RXRA: variants seen among roughly 807,000 people sequenced by gnomAD.
RXRA encodes the protein retinoic acid receptor RXR-alpha.
Under a neutral mutation model 44.5 loss-of-function variants are expected in RXRA, and 5 were observed. The ratio of observed to expected loss-of-function variants is 0.11; its 90% CI spans 0.06 to 0.24. The LOEUF is 0.24. RXRA is among the 10% of genes least tolerant of loss of function. RXRA has a pLI of 1.00. For missense variants in RXRA, 412 were observed against 646.5 expected, an observed-to-expected ratio of 0.64 and a Z score of 3.93; for synonymous variants, 291 against 271.4, an observed-to-expected ratio of 1.07 and a Z score of -0.71.
intron 1 of RXRA, among the ~76,000 whole-genome samples, chr9:134,329,366 C>G (rs913360733): frequency 1.3e-5 from 2 of 152,238 alleles, no homozygotes; most frequent in Non-Finnish European, 2.9e-5. Context: ...GGGCGCTGCC[C>G]GACGGCAGGG....
intron 1 of RXRA, among the ~76,000 whole-genome samples, chr9:134,352,490 C>T (rs929082328): frequency 5.3e-5 from 8 of 152,170 alleles, no homozygotes; most frequent in Non-Finnish European, 1.0e-4. Context: ...CTCCCTGCCT[C>T]GCCCCTGCCC....
chr9:134,330,307 T>A (rs1177065185), intron 1 of RXRA, among the ~76,000 whole-genome samples: 1 of 152,234 alleles, frequency 6.6e-6, no homozygotes, highest in Admixed American at 6.5e-5. Flanking sequence ...TAGCTGGCTT[T>A]GGTGGCCAGG....
chr9:134,336,808 G>A (rs1830013201), intron 1 of RXRA, among the ~76,000 whole-genome samples: 1 of 152,224 alleles, frequency 6.6e-6, no homozygotes, highest in Non-Finnish European at 1.5e-5. Context: ...TGACGGGTGA[G>A]CCCGTTCCTT....
chr9:134,417,309 G>A lies in RXRA; in HGVS notation c.762G>A (p.Met254Ile), dbSNP rs61751479. 2.7e-3 allele frequency: 4,305 copies of A among 1,613,710 alleles called. 20 individuals are homozygous for A. Among genetic ancestry groups the A allele is most frequent in the Non-Finnish European group, 3.1e-3 (3,671 of 1,179,940 alleles). ...PKTETYVEAN[M>I]GLNPSSPNDP... Reference sequence around the variant, plus strand: ...CCGAGACCTACGTGGAGGCAAACATGGGGCTGAACCCCAGCTCGGTGAGTT... The same window carrying A: ...CCGAGACCTACGTGGAGGCAAACATAGGGCTGAACCCCAGCTCGGTGAGTT... The change falls in exon 5 of 10, where the codon ATG (methionine) becomes ATA (isoleucine). Residue 254 changes from methionine to isoleucine, a missense_variant. Transcript: ENST00000481739. This position sits in a 1 kb window ranked among gnomAD's most constrained non-coding sequence, Gnocchi z 6.1.
chr9:134,425,428 C>T (rs1273585954), intron 6 of RXRA: 1 of 985,140 alleles, frequency 1.0e-6, no homozygotes, highest in South Asian at 4.7e-5. Context: ...CTCCGTCCAA[C>T]CTCCTTCCCA....
intron 1 of RXRA, among the ~76,000 whole-genome samples, chr9:134,369,336 ATG>A (rs1268335534): frequency 1.3e-4 from 5 of 39,324 alleles, no homozygotes; most frequent in African/African-American, 4.8e-4. Flanking sequence ...GGGGGGGGTT[ATG>A]TGTGTGTGAG....
chr9:134,423,085 G>T (rs1831375130), intron 6 of RXRA: 2 of 985,352 alleles, frequency 2.0e-6, no homozygotes, highest in East Asian at 1.1e-4. Flanking sequence ...AGCCTGGATG[G>T]GGCAGGCCCC....
intron 6 of RXRA, chr9:134,424,015 G>A: frequency 1.0e-6 from 1 of 985,474 alleles, no homozygotes. Context: ...CGCCATGTTT[G>A]TGTGGTGCCT....
intron 1 of RXRA, among the ~76,000 whole-genome samples, chr9:134,369,303 G>GTGAGT (rs1464275301): frequency 1.1e-5 from 1 of 87,950 alleles, no homozygotes; most frequent in Non-Finnish European, 2.2e-5. Context: ...TTATGTGTGT[G>GTGAGT]TGAGTGCAGG....
At chr9:134,336,521 G>A (rs968300580) in intron 1 of RXRA, among the ~76,000 whole-genome samples, 3 of 152,192 alleles carry the variant, frequency 2.0e-5, no homozygotes, top group African/African-American at 2.4e-5. Context: ...CAGAGTCCAC[G>A]GCTGGAAGTG....
chr9:134,375,880 C>T (rs114510290), intron 1 of RXRA, among the ~76,000 whole-genome samples: 1,551 of 151,840 alleles, frequency 0.01, 31 homozygotes, highest in African/African-American at 0.036. Context: ...ACAAACACCA[C>T]GTGCCCTGCG....
At chr9:134,372,724 G>C (rs1475977298) in intron 1 of RXRA, among the ~76,000 whole-genome samples, 1 of 152,188 alleles carries the variant, frequency 6.6e-6, no homozygotes, top group Non-Finnish European at 1.5e-5. Context: ...TGCTCTTCCC[G>C]GGACTCTACC....
chr9:134,380,464 A>G (rs909585787), intron 1 of RXRA, among the ~76,000 whole-genome samples: 1 of 149,458 alleles, frequency 6.7e-6, no homozygotes, highest in African/African-American at 2.5e-5. Flanking sequence ...CAGTGGTTGC[A>G]AGGAGCAGAT....
chr9:134,330,190 C>T (rs1208413214), intron 1 of RXRA, among the ~76,000 whole-genome samples: 1 of 152,204 alleles, frequency 6.6e-6, no homozygotes, highest in Non-Finnish European at 1.5e-5. Context: ...AGGCCCTCCC[C>T]AACCCCCAGC....
At chr9:134,411,026 C>T (rs915597869) in intron 4 of RXRA, among the ~76,000 whole-genome samples, 5 of 152,198 alleles carry the variant, frequency 3.3e-5, no homozygotes, top group Admixed American at 6.5e-5. Context: ...CCCGGTGAGA[C>T]GCAGGCAGGC....
intron 1 of RXRA, among the ~76,000 whole-genome samples, chr9:134,338,884 C>G (rs1181366073): frequency 6.6e-6 from 1 of 152,332 alleles, no homozygotes; most frequent in South Asian, 2.1e-4. Context: ...TGGAGACAGC[C>G]GCCGTTCTGC....
chr9:134,368,255 C>T (rs1830438521), intron 1 of RXRA, among the ~76,000 whole-genome samples: 2 of 152,350 alleles, frequency 1.3e-5, no homozygotes, highest in South Asian at 2.1e-4. Flanking sequence ...TGCTGATGGT[C>T]AGCTGGCCTT....
chr9:134,423,533 C>T (rs970664627), intron 6 of RXRA: 19 of 985,194 alleles, frequency 1.9e-5, no homozygotes, highest in Middle Eastern at 5.2e-4. Flanking sequence ...CTGGCGCCGT[C>T]GCCACCCTCC....
At chr9:134,332,779 G>A (rs1239905290) in intron 1 of RXRA, among the ~76,000 whole-genome samples, 1 of 152,164 alleles carries the variant, frequency 6.6e-6, no homozygotes, top group Admixed American at 6.5e-5. Context: ...AGCCAGGCAA[G>A]GCCTGGAAGG....
Sources: gnomAD v4.1 joint callset for allele counts (sites outside exome capture counted in the v4.1 genomes callset) on GRCh38, gnomAD v4.1.1 for gene constraint, Gnocchi (gnomAD v3.1) non-coding constraint, MANE v1.5 for transcripts, NCBI Gene and HGNC (gene_info 2026-07-23, HGNC 2026-07-21) for gene names.